NTM: variants seen among roughly 807,000 people sequenced by gnomAD.
NTM encodes the protein IgLON family member 2.
NTM carries 13 observed loss-of-function variants against 42.1 expected under a neutral mutation model. The observed-to-expected ratio is 0.31, with a 90% CI of 0.20 to 0.49. NTM has a LOEUF of 0.49. Among genes scored for constraint, NTM ranks in the 20% least tolerant of loss-of-function variants. The pLI, the probability that NTM is intolerant of heterozygous loss-of-function variation, is 0.99. For synonymous variants in NTM, 187 were observed against 179.2 expected (o/e 1.04, Z -0.35); for missense variants, 373 against 452.8 (o/e 0.82, Z 1.60).
chr11:131,684,951 T>A (rs933171956), intron 1 of NTM, among the ~76,000 whole-genome samples: 1 of 152,138 alleles, frequency 6.6e-6, no homozygotes, highest in Admixed American at 6.5e-5. Context: ...TGAACGTGAA[T>A]CTGTTCTGTG....
intron 1 of NTM, among the ~76,000 whole-genome samples, chr11:131,728,895 C>T (rs1215167065): frequency 6.6e-6 from 1 of 152,088 alleles, no homozygotes; most frequent in Admixed American, 6.5e-5. Context: ...CAAAAAGACA[C>T]CATTTTGGAG....
intron 3 of NTM, among the ~76,000 whole-genome samples, chr11:132,159,831 G>C (rs1227498261): frequency 6.6e-6 from 1 of 152,186 alleles, no homozygotes; most frequent in African/African-American, 2.4e-5. Flanking sequence ...AGCGAGCTAA[G>C]GCCCGAGGCA....
rs537148481 is a variant in NTM at position 131,441,220 on chromosome 11, G to A, written c.82+70332G>A. Among the ~76,000 whole-genome samples the A allele has an allele frequency of 5.9e-5, 9 of 152,176 alleles. No homozygotes were observed. The East Asian group carries it at 9.6e-4, about 16-fold the overall frequency. On this transcript the variant is annotated intron_variant, in intron 1 of 8. Transcript: ENST00000683400. ...TCATGCAGTTAGAATGAGCTGATGC[G>A]TCTCCAACCAAAGCCCAGAGACCGT...
At chr11:131,599,257 T>C (rs113255379) in intron 1 of NTM, among the ~76,000 whole-genome samples, 1 of 81,888 alleles carries the variant, frequency 1.2e-5, no homozygotes, top group Non-Finnish European at 3.2e-5. Flanking sequence ...TGCCATGCCC[T>C]GTCTACCCAG....
chr11:131,710,655 A>T (rs1379448426), intron 1 of NTM, among the ~76,000 whole-genome samples: 3 of 151,576 alleles, frequency 2.0e-5, no homozygotes, highest in African/African-American at 7.3e-5. Flanking sequence ...GAGAAGTTGT[A>T]AAAAAAATGC....
At chr11:132,134,187 T>C (rs1287470033) in intron 2 of NTM, among the ~76,000 whole-genome samples, 1 of 152,130 alleles carries the variant, frequency 6.6e-6, no homozygotes, top group African/African-American at 2.4e-5. Context: ...CTTCTCAAAA[T>C]GCTGGGATTA....
intron 1 of NTM, among the ~76,000 whole-genome samples, chr11:131,715,864 GT>G (rs1565461014): frequency 6.6e-6 from 1 of 152,200 alleles, no homozygotes; most frequent in Non-Finnish European, 1.5e-5. Context: ...GTATTCCACA[GT>G]ATGCATATAT....
At position 131,983,700 on chromosome 11, in the gene NTM, A is replaced by G. The variant is rs1385048012; in HGVS notation, c.167+72052A>G. 5.3e-5 allele frequency among the ~76,000 whole-genome samples: 8 copies of G among 151,382 alleles called. No individual in the cohort carries two copies. In the Admixed American group the frequency reaches 5.5e-4, roughly 10 times the overall value. On this transcript the variant is annotated intron_variant, in intron 2 of 8. Coordinates refer to ENST00000683400, the MANE Select transcript of NTM (RefSeq NM_001352005.2). The stretch of plus-strand genomic sequence containing the variant: ...TATAATATTGTATCTTCTATTATAT[A>G]AATAAAATTCTCTGAGTTGACTCAA...
In NTM at chr11:131,819,320, T is replaced by C. The variant is rs140277645; in HGVS notation, c.83-92244T>C. ...TGAGCTGCACCCCCAGAAATGTAAG[T>C]TTACTTGGTTTGGGGTCAGGTCTGG... On this transcript the variant is annotated intron_variant, in intron 1 of 8. Coordinates refer to ENST00000683400, the MANE Select transcript of NTM (RefSeq NM_001352005.2). 3.9e-3 allele frequency among the ~76,000 whole-genome samples: 598 copies of C among 152,116 alleles called. 4 individuals are homozygous for C. Among genetic ancestry groups the C allele is most frequent in the African/African-American group, 0.014 (575 of 41,494 alleles).
In NTM at chr11:132,147,175, T is replaced by TTGTGTGTG. The variant is rs751528769; in HGVS notation, c.400+694_400+701dup. On this transcript the variant is annotated intron_variant, in intron 3 of 8. Coordinates refer to ENST00000683400, the MANE Select transcript of NTM (RefSeq NM_001352005.2). ...TCCTAGTTCATGAGGCCTTGTATGT[T>TTGTGTGTG]TGTGTGTGTGTGTGTGTGTGTGTGT... Among the ~76,000 whole-genome samples the TTGTGTGTG allele has an allele frequency of 2.8e-3, 349 of 123,560 alleles. 1 individual carries two copies. The highest frequency in any genetic ancestry group is 7.8e-3 in the African/African-American group (235 of 30,308). 81.1% of individuals were successfully genotyped at this position (123,560 alleles called of 152,430 possible).
chr11:132,327,488 C>T (rs1313233387), intron 7 of NTM, among the ~76,000 whole-genome samples: 2 of 152,184 alleles, frequency 1.3e-5, no homozygotes, highest in Non-Finnish European at 2.9e-5. Flanking sequence ...AGTGGTTAAG[C>T]ATTTCTATGG....
At chr11:132,288,700 A>C (rs560675189) in intron 4 of NTM, among the ~76,000 whole-genome samples, 7 of 151,202 alleles carry the variant, frequency 4.6e-5, no homozygotes, top group African/African-American at 1.7e-4. Flanking sequence ...GCCCACTGCA[A>C]CCTCCAGCTC....
At chr11:131,497,138 G>C (rs1001447187) in intron 1 of NTM, among the ~76,000 whole-genome samples, 10 of 152,136 alleles carry the variant, frequency 6.6e-5, no homozygotes, top group Non-Finnish European at 1.3e-4. Context: ...TCTCCTGCCT[G>C]TCTATCCGTG....
At chr11:131,756,895 G>A (rs1366935838) in intron 1 of NTM, among the ~76,000 whole-genome samples, 1 of 152,132 alleles carries the variant, frequency 6.6e-6, no homozygotes, top group Non-Finnish European at 1.5e-5. Context: ...CTATGCAGTT[G>A]ACCTCCGAGG....
rs76690696 is a variant in NTM at position 131,531,041 on chromosome 11, T to G, written c.82+160153T>G. Among the ~76,000 whole-genome samples the G allele has an allele frequency of 1.4e-3, 212 of 152,306 alleles. 8 individuals are homozygous for G. The East Asian group carries it at 0.038, about 27-fold the overall frequency. ...GAGCAACGGCTTCTCTGGCCACCAT[T>G]TAAAGGGAACCTGTTATTTCCACTT... is the stretch of plus-strand genomic sequence containing the variant. On this transcript the variant is annotated intron_variant, in intron 1 of 8. Transcript: ENST00000683400.
intron 2 of NTM, among the ~76,000 whole-genome samples, chr11:131,937,367 G>A (rs1439161363): frequency 6.6e-6 from 1 of 152,204 alleles, no homozygotes; most frequent in East Asian, 1.9e-4. Flanking sequence ...AGATATGACA[G>A]GGAGGTAAAA....
intron 3 of NTM, among the ~76,000 whole-genome samples, chr11:132,202,746 G>A (rs941916160): frequency 2.0e-5 from 3 of 152,154 alleles, no homozygotes; most frequent in Non-Finnish European, 2.9e-5. Flanking sequence ...CTAAAACTCG[G>A]TCAAGAGGCA....
intron 1 of NTM, among the ~76,000 whole-genome samples, chr11:131,835,587 A>G (rs1227044097): frequency 6.6e-6 from 1 of 152,152 alleles, no homozygotes; most frequent in Non-Finnish European, 1.5e-5. Context: ...AACTGGCAAT[A>G]CTAAGTGCTG....
intron 6 of NTM, among the ~76,000 whole-genome samples, chr11:132,313,762 CACTTCCCCCAACTA>C (rs1179194547): frequency 6.6e-6 from 1 of 152,134 alleles, no homozygotes; most frequent in Non-Finnish European, 1.5e-5. Flanking sequence ...AAGCATACCT[CACTTCCCCCAACTA>C]ACTAACTCCC....
Sources: allele counts gnomAD v4.1 joint callset (sites outside exome capture counted in the v4.1 genomes callset), GRCh38; gene constraint gnomAD v4.1.1; transcripts MANE v1.5; gene names NCBI Gene and HGNC (gene_info 2026-07-23, HGNC 2026-07-21).